The following BOP1 variants were observed in gnomAD, a reference collection of about 807,000 sequenced individuals.
BOP1 encodes ribosome biogenesis protein BOP1.
Under a neutral mutation model 82.9 loss-of-function variants are expected in BOP1, and 54 were observed. The ratio of observed to expected loss-of-function variants is 0.65; its 90% CI spans 0.52 to 0.82. The LOEUF (loss-of-function observed/expected upper bound fraction) is 0.82. Among genes scored for constraint, BOP1 ranks in the 40% least tolerant of loss-of-function variants. The pLI is 0.00. For missense variants in BOP1, 1,170 were observed against 1,072.0 expected (o/e 1.09, Z -1.28); for synonymous variants, 566 against 451.1 (o/e 1.25, Z -3.23).
At chr8:144,279,221 G>A (rs1023769666) in intron 2 of BOP1, among the ~76,000 whole-genome samples, 17 of 151,888 alleles carry the variant, frequency 1.1e-4, no homozygotes, top group Admixed American at 2.6e-4. Context: ...AGACCACTGC[G>A]TGCCACGACC....
intron 2 of BOP1, among the ~76,000 whole-genome samples, chr8:144,285,459 A>G (rs146350415): frequency 6.6e-6 from 1 of 152,286 alleles, no homozygotes; most frequent in African/African-American, 2.4e-5. Flanking sequence ...CACGTGGCAG[A>G]AGAGAAATTA....
At chr8:144,287,625 G>A (rs887207946) in intron 2 of BOP1, among the ~76,000 whole-genome samples, 1 of 151,840 alleles carries the variant, frequency 6.6e-6, no homozygotes, top group Non-Finnish European at 1.5e-5. Context: ...TTGGCCTCTC[G>A]AGCTGCTGGG....
chr8:144,271,634 A>G lies in BOP1; in HGVS notation c.390+4590T>C, dbSNP rs1554837820. Reference sequence around the variant, plus strand: ...CCAGGGCGGGAGGCTCACCTGCTGCATCTCACCCTACTGAAGGTTCCAGCA... The same window carrying G: ...CCAGGGCGGGAGGCTCACCTGCTGCGTCTCACCCTACTGAAGGTTCCAGCA... On this transcript the variant is annotated intron_variant, in intron 3 of 15. Transcript: ENST00000569669. Among the ~76,000 whole-genome samples, 216 of 152,070 alleles carry G rather than the reference A, an allele frequency of 1.4e-3. 1 individual carries two copies. The highest frequency in any genetic ancestry group is 0.014 in the Middle Eastern group (4 of 294).
chr8:144,275,969 T>C (rs1279754033), intron 3 of BOP1, among the ~76,000 whole-genome samples: 12 of 151,486 alleles, frequency 7.9e-5, no homozygotes, highest in Admixed American at 5.9e-4. Context: ...CACAGGGGCA[T>C]GGAGCCACAC....
intron 2 of BOP1, among the ~76,000 whole-genome samples, chr8:144,282,602 G>A (rs1488671544): frequency 6.6e-6 from 1 of 152,026 alleles, no homozygotes; most frequent in Non-Finnish European, 1.5e-5. Context: ...CCCCAAGGAG[G>A]CTACTAGCAA....
In BOP1 at chr8:144,281,092, T is replaced by TC. The variant is rs1845669031; in HGVS notation, c.310-4789_310-4788insG. On this transcript the variant is annotated intron_variant, in intron 2 of 15. Transcript: ENST00000569669. ...CCAGGTCTTCGGCCTTCTCTCACTT[T>TC]AATACCAGGTCTTCGGCCTTCTCTC... 4.4e-4 allele frequency among the ~76,000 whole-genome samples: 66 copies of TC among 150,942 alleles called. 5 individuals are homozygous for TC. Among genetic ancestry groups the TC allele is most frequent in the Non-Finnish European group, 7.4e-4 (50 of 67,840 alleles).
At chr8:144,266,803 G>C (rs1845380390) in intron 3 of BOP1, 1 of 1,137,270 alleles carries the variant, frequency 8.8e-7, no homozygotes, top group Admixed American at 4.9e-5. Flanking sequence ...GGCCGGGGGC[G>C]GGGGGCCAGG....
chr8:144,264,680 C>T, intron 5 of BOP1, 34 bp downstream of exon 5: 3 of 1,563,524 alleles, frequency 1.9e-6, no homozygotes, highest in Non-Finnish European at 2.6e-6. Flanking sequence ...CCTCCAGGAC[C>T]CCCGCCGCCC....
At chr8:144,277,546 C>T (rs957600889) in intron 2 of BOP1, among the ~76,000 whole-genome samples, 21 of 152,252 alleles carry the variant, frequency 1.4e-4, no homozygotes, top group African/African-American at 3.9e-4. Context: ...GTCCCAGCCT[C>T]GCTGCTCATG....
rs1845313311 is a variant in BOP1, at chr8:144,264,574, C to G, written c.706G>C (p.Val236Leu). 1 of 1,608,928 alleles carries G rather than the reference C, an allele frequency of 6.2e-7. No individual in the cohort carries two copies. Among genetic ancestry groups the G allele is most frequent in the South Asian group, 1.1e-5 (1 of 90,428 alleles). Residue 236 changes from valine (V) to leucine (L), a missense_variant, in exon 6 of 16, where the codon GTG becomes CTG. Coordinates refer to ENST00000569669, the MANE Select transcript of BOP1 (RefSeq NM_015201.5). ...CGCTTGTCGGCCGGGCGGTTGGTCA[C>G]CGGGTGGATCATGACGTCCCCGCTG... ...FFSGDVMIHP[V>L]TNRPADKRSF...
rs995303877 is a variant in BOP1 at position 144,268,007 on chromosome 8, G to C, written c.391-2936C>G. ...AGAGCCGGGAAGGAGGTGCCTTGGCGCTGGCCACCTGAGATGGCACCCAGC... is the reference window on the plus strand; with the variant it reads ...AGAGCCGGGAAGGAGGTGCCTTGGCCCTGGCCACCTGAGATGGCACCCAGC... On this transcript the variant is annotated intron_variant, in intron 3 of 15. Coordinates refer to ENST00000569669, the MANE Select transcript of BOP1 (RefSeq NM_015201.5). The C allele has an allele frequency of 1.0e-4, 154 of 1,535,498 alleles. 2 individuals carry two copies. In the African/African-American group the frequency reaches 1.9e-3, roughly 19 times the overall value.
At chr8:144,262,367 G>A in intron 15 of BOP1, 29 bp downstream of exon 15, 1 of 1,612,712 alleles carries the variant, frequency 6.2e-7, no homozygotes, top group South Asian at 1.1e-5. Context: ...ACTGCCCTGG[G>A]GAGGGGGCCA....
chr8:144,272,168 C>G (rs1220184043), intron 3 of BOP1, among the ~76,000 whole-genome samples: 1 of 152,106 alleles, frequency 6.6e-6, no homozygotes, highest in Admixed American at 6.6e-5. Context: ...CCCAAACACC[C>G]CCCACCGACA....
intron 9 of BOP1, 25 bp downstream of exon 9, chr8:144,263,806 C>A: frequency 6.2e-7 from 1 of 1,608,656 alleles, no homozygotes; most frequent in East Asian, 2.2e-5. Context: ...GAGGGTGCAA[C>A]CCCAGCCCCC....
chr8:144,277,497 C>A (rs4074678), intron 2 of BOP1, among the ~76,000 whole-genome samples: 52,239 of 152,228 alleles, frequency 0.34, 10,406 homozygotes, highest in East Asian at 0.7. Flanking sequence ...GGGCTCCCGA[C>A]CCCTCACAGT....
intron 3 of BOP1, chr8:144,267,093 G>GCCGCCC (rs1395592848): frequency 9.4e-6 from 13 of 1,386,258 alleles, no homozygotes; most frequent in Non-Finnish European, 9.3e-6. Flanking sequence ...GCCCCCCGCC[G>GCCGCCC]CCGCCCCCGC....
At chr8:144,278,721 C>A (rs1845620045) in intron 2 of BOP1, among the ~76,000 whole-genome samples, 1 of 152,188 alleles carries the variant, frequency 6.6e-6, no homozygotes, top group Non-Finnish European at 1.5e-5. Flanking sequence ...AGACCCCACA[C>A]CCAGCACCTC....
intron 2 of BOP1, among the ~76,000 whole-genome samples, chr8:144,279,380 AG>A (rs67586110): frequency 0.52 from 78,498 of 151,504 alleles, 20,772 homozygotes; most frequent in African/African-American, 0.6. Flanking sequence ...CCACGGGCCA[AG>A]ACCACCATGG....
At chr8:144,269,362 G>A (rs965694390) in intron 3 of BOP1, among the ~76,000 whole-genome samples, 164 of 152,254 alleles carry the variant, frequency 1.1e-3, no homozygotes, top group African/African-American at 3.6e-3. Flanking sequence ...GGCGGCGGCC[G>A]GCCCCAGTTC....
Sources: allele counts gnomAD v4.1 joint callset (sites outside exome capture counted in the v4.1 genomes callset), GRCh38; gene constraint gnomAD v4.1.1; transcripts MANE v1.5; gene names NCBI Gene and HGNC (gene_info 2026-07-23, HGNC 2026-07-21).